DLGAP1: variants seen among roughly 807,000 people sequenced by gnomAD.
DLGAP1 encodes the protein DLG associated protein 1, also known as disks large-associated protein 1.
A neutral mutation model predicts 90.8 loss-of-function variants in DLGAP1; 11 were observed. The observed-to-expected ratio is 0.12, with a 90% CI of 0.08 to 0.20. DLGAP1 has a LOEUF of 0.20. Among genes scored for constraint, DLGAP1 ranks in the 10% least tolerant of loss-of-function variants. DLGAP1 has a pLI of 1.00. For synonymous variants in DLGAP1, 558 were observed against 540.7 expected (o/e 1.03, Z -0.44); for missense variants, 1,050 against 1,333.8 (o/e 0.79, Z 3.31).
intron 3 of DLGAP1, among the ~76,000 whole-genome samples, chr18:3,890,739 T>C (rs1211506506): frequency 6.6e-6 from 1 of 152,200 alleles, no homozygotes; most frequent in Non-Finnish European, 1.5e-5. Context: ...TTACATTTTA[T>C]TTTTTTAGGG....
chr18:4,132,694 C>T (rs1482619762), intron 2 of DLGAP1, among the ~76,000 whole-genome samples: 2 of 152,010 alleles, frequency 1.3e-5, no homozygotes, highest in African/African-American at 4.8e-5. Flanking sequence ...CAAAAGAGTT[C>T]CCACTTAAAA....
Position 3,931,647 on chromosome 18 carries a change from A to G in DLGAP1, c.-72-51507T>C, listed in dbSNP as rs111582906. On this transcript the variant is annotated intron_variant, in intron 3 of 12. Transcript: ENST00000315677. ...AAAGCAGTGAATTTGGAGTAGGTCA[A>G]GTAGGTCACTTGTCCTGGCCAAAAG... 1.3e-3 allele frequency among the ~76,000 whole-genome samples: 201 copies of G among 152,336 alleles called. 1 individual carries two copies. Among genetic ancestry groups the G allele is most frequent in the African/African-American group, 4.7e-3 (197 of 41,574 alleles).
In DLGAP1 at chr18:3,656,388, G is replaced by C. The variant is rs1237525863; in HGVS notation, c.1591+72747C>G. 3 of 411,718 alleles carry C rather than the reference G, an allele frequency of 7.3e-6. No individual in the cohort carries two copies. In the East Asian group the frequency reaches 1.2e-4, roughly 17 times the overall value. 25.5% of individuals were successfully genotyped at this position (411,718 alleles called of 1,614,324 possible). On this transcript the variant is annotated intron_variant, in intron 7 of 12. Coordinates refer to ENST00000315677, the MANE Select transcript of DLGAP1 (RefSeq NM_004746.4). The stretch of plus-strand genomic sequence containing the variant: ...TTTGGATGGGACAAAGGCCAAGTCT[G>C]CCTGAGTGACTATTTCTGTGTATAA...
At position 4,342,054 on chromosome 18, in the gene DLGAP1, G is replaced by A. The variant is rs562110523; in HGVS notation, c.-267+112952C>T. Among the ~76,000 whole-genome samples, 44 of 152,018 alleles carry A rather than the reference G, an allele frequency of 2.9e-4. No individual in the cohort carries two copies. The South Asian group carries it at 8.7e-3, about 30-fold the overall frequency. On this transcript the variant is annotated intron_variant, in intron 1 of 12. Coordinates refer to ENST00000315677, the MANE Select transcript of DLGAP1 (RefSeq NM_004746.4). The surrounding 1 kb of genome is among the most constrained non-coding windows in gnomAD (Gnocchi z 5.8). ...AAGATCATCTTCAGAATTTCTGAGC[G>A]GATAAAGTCCTCGGCATGCGGTGAA...
intron 1 of DLGAP1, among the ~76,000 whole-genome samples, chr18:4,187,477 T>C (rs1214593567): frequency 6.6e-6 from 1 of 152,200 alleles, no homozygotes; most frequent in Non-Finnish European, 1.5e-5. Context: ...TACTGAAATA[T>C]TAAGAACTAA....
intron 2 of DLGAP1, among the ~76,000 whole-genome samples, chr18:4,119,197 T>A (rs917645950): frequency 6.6e-6 from 1 of 152,156 alleles, no homozygotes; most frequent in Admixed American, 6.5e-5. Context: ...GCTCAAGTGA[T>A]CCTCCCGCCT....
At chr18:4,037,956 T>C (rs1479209310) in intron 2 of DLGAP1, among the ~76,000 whole-genome samples, 3 of 152,194 alleles carry the variant, frequency 2.0e-5, no homozygotes, top group African/African-American at 7.2e-5. Flanking sequence ...TGAGACTCCG[T>C]CTCAAAAACA....
chr18:3,710,568 A>G (rs1161908125), intron 7 of DLGAP1, among the ~76,000 whole-genome samples: 1 of 152,186 alleles, frequency 6.6e-6, no homozygotes, highest in African/African-American at 2.4e-5. Context: ...TATTTATTCC[A>G]TATATATTTT....
intron 6 of DLGAP1, among the ~76,000 whole-genome samples, chr18:3,731,133 T>C (rs2062410263): frequency 6.6e-6 from 1 of 152,122 alleles, no homozygotes; most frequent in African/African-American, 2.4e-5. Context: ...CAAATATATA[T>C]GTGTGTATGT....
intron 1 of DLGAP1, among the ~76,000 whole-genome samples, chr18:4,193,541 C>T (rs995543480): frequency 2.6e-5 from 4 of 152,084 alleles, no homozygotes; most frequent in African/African-American, 9.7e-5. Context: ...CTGGAATCTA[C>T]AAAAAGACTC....
chr18:3,959,383 G>A (rs1422717388), intron 3 of DLGAP1, among the ~76,000 whole-genome samples: 1 of 152,018 alleles, frequency 6.6e-6, no homozygotes, highest in Non-Finnish European at 1.5e-5. Context: ...AAACACAATT[G>A]GGGCCGGGCG....
chr18:4,148,893 AT>A (rs2076628828), intron 2 of DLGAP1, among the ~76,000 whole-genome samples: 1 of 152,138 alleles, frequency 6.6e-6, no homozygotes, highest in Admixed American at 6.6e-5. Context: ...ATCCAACTTT[AT>A]TTTCAATCTG....
chr18:3,845,661 G>A, intron 4 of DLGAP1: 4 of 942,876 alleles, frequency 4.2e-6, no homozygotes, highest in Non-Finnish European at 5.1e-6. Context: ...CCCATATAGG[G>A]GGTAACGTAT....
intron 2 of DLGAP1, among the ~76,000 whole-genome samples, chr18:4,125,854 A>T (rs1269283367): frequency 6.6e-6 from 1 of 152,202 alleles, no homozygotes; most frequent in Non-Finnish European, 1.5e-5. Flanking sequence ...TCCTAAAATT[A>T]GAGCAGGGCA....
intron 2 of DLGAP1, among the ~76,000 whole-genome samples, chr18:4,102,319 G>A (rs1327923511): frequency 6.6e-6 from 1 of 152,086 alleles, no homozygotes; most frequent in African/African-American, 2.4e-5. Context: ...TTGTGTAAAT[G>A]GAATTCATAC....
intron 2 of DLGAP1, among the ~76,000 whole-genome samples, chr18:4,108,595 G>A (rs1416721346): frequency 2.5e-5 from 1 of 39,454 alleles, no homozygotes; most frequent in East Asian, 4.6e-4. Flanking sequence ...TTATTTATTA[G>A]CATTAGCTAA....
intron 7 of DLGAP1, among the ~76,000 whole-genome samples, chr18:3,706,005 A>G: frequency 1.6e-5 from 2 of 122,090 alleles, no homozygotes; most frequent in Non-Finnish European, 1.6e-5. Flanking sequence ...TTTGAGATGG[A>G]ATCTCACTCA....
intron 9 of DLGAP1, among the ~76,000 whole-genome samples, chr18:3,557,023 A>G (rs1158572302): frequency 6.6e-6 from 1 of 151,830 alleles, no homozygotes; most frequent in Admixed American, 6.6e-5. Flanking sequence ...ACTGATTACT[A>G]TTTTCAATTT....
chr18:3,769,517 T>G (rs572834314), intron 5 of DLGAP1, among the ~76,000 whole-genome samples: 1 of 152,246 alleles, frequency 6.6e-6, no homozygotes, highest in East Asian at 1.9e-4. Flanking sequence ...AAGGAATGAA[T>G]GGTTAAACTG....
Sources: allele counts gnomAD v4.1 joint callset (sites outside exome capture counted in the v4.1 genomes callset), GRCh38; gene constraint gnomAD v4.1.1; non-coding constraint Gnocchi (gnomAD v3.1); transcripts MANE v1.5; gene names NCBI Gene and HGNC (gene_info 2026-07-23, HGNC 2026-07-21).